The following PKIG variants were observed in gnomAD, a reference collection of about 807,000 sequenced individuals.
PKIG encodes protein kinase (cAMP-dependent, catalytic) inhibitor gamma.
Under a neutral mutation model 6.8 loss-of-function variants are expected in PKIG, and 1 was observed. The observed-to-expected ratio is 0.15, with a 90% CI of 0.05 to 0.69. The LOEUF (loss-of-function observed/expected upper bound fraction) is 0.69. Among genes scored for constraint, PKIG ranks in the 30% least tolerant of loss-of-function variants. The pLI is 0.82. For synonymous variants in PKIG, 39 were observed against 43.0 expected (o/e 0.91, Z 0.36); for missense variants, 77 against 104.0 (o/e 0.74, Z 1.13).
chr20:44,592,694 G>T (rs1444192453), intron 2 of PKIG, among the ~76,000 whole-genome samples: 1 of 152,142 alleles, frequency 6.6e-6, no homozygotes, highest in African/African-American at 2.4e-5. Context: ...CCTGTCTCCT[G>T]GCCATGAGGA....
intron 2 of PKIG, among the ~76,000 whole-genome samples, chr20:44,612,699 G>C (rs1410671542): frequency 1.3e-5 from 2 of 152,102 alleles, no homozygotes; most frequent in Non-Finnish European, 2.9e-5. Context: ...CCAATTTTTT[G>C]TCATCATGAA....
intron 1 of PKIG, among the ~76,000 whole-genome samples, chr20:44,573,335 C>T (rs2064869449): frequency 6.6e-6 from 1 of 152,224 alleles, no homozygotes; most frequent in Non-Finnish European, 1.5e-5. Flanking sequence ...TGCAGTGACT[C>T]TTATGTCAAA....
At position 44,614,697 on chromosome 20, in the gene PKIG, C is replaced by T. The variant is rs770670763; in HGVS notation, c.141C>T (p.Leu47=). Residue 47 remains leucine (L), a synonymous_variant, in exon 3 of 4, where the codon CTC becomes CTT. Transcript: ENST00000372886. The surrounding 1 kb of genome is among the most constrained non-coding windows in gnomAD (Gnocchi z 4.6). The stretch of plus-strand genomic sequence containing the variant: ...CTGGAGACATGGGCGAGCTGGCACT[C>T]GAGGGGGCAGGTTAGAGCCAGCAGG... ...KLAGDMGELA[L]EGAEGQVEGS... is the part of the protein sequence containing the mutation. 4 of 1,613,664 alleles carry T rather than the reference C, an allele frequency of 2.5e-6. No homozygotes were observed. The highest frequency in any genetic ancestry group is 2.5e-6 in the Non-Finnish European group (3 of 1,179,990).
chr20:44,592,087 C>T (rs2065038383), intron 2 of PKIG, among the ~76,000 whole-genome samples: 1 of 152,216 alleles, frequency 6.6e-6, no homozygotes, highest in African/African-American at 2.4e-5. Context: ...TTATTTAAGC[C>T]ATGTGCCAGA....
intron 2 of PKIG, among the ~76,000 whole-genome samples, chr20:44,592,592 G>T (rs1197440197): frequency 6.6e-6 from 1 of 152,182 alleles, no homozygotes; most frequent in Non-Finnish European, 1.5e-5. Flanking sequence ...TCAGCAAGGA[G>T]GGCAGGCCGT....
intron 2 of PKIG, among the ~76,000 whole-genome samples, chr20:44,599,459 C>G (rs143138182): frequency 3.5e-4 from 54 of 152,310 alleles, no homozygotes; most frequent in African/African-American, 1.2e-3. Flanking sequence ...CACCGTGGCT[C>G]AAGCCTGCAG....
In PKIG at chr20:44,614,589, C is replaced by A. The variant is rs762724888; in HGVS notation, c.33C>A (p.Phe11Leu). 1 of 1,614,130 alleles carries A rather than the reference C, an allele frequency of 6.2e-7. No homozygotes were observed. Among genetic ancestry groups the A allele is most frequent in the Non-Finnish European group, 8.5e-7 (1 of 1,180,026 alleles). The stretch of plus-strand genomic sequence containing the variant: ...AGGTCGAGTCCTCCTACTCGGACTT[C>A]ATCTCCTGTGACCGGACAGGCCGTC... The part of the protein sequence containing the change: MMEVESSYSD[F>L]ISCDRTGRRN... The change falls in exon 3 of 4, where the codon TTC becomes TTA. Residue 11 changes from phenylalanine to leucine, a missense_variant. Coordinates refer to ENST00000372886, the MANE Select transcript of PKIG (RefSeq NM_001281445.2). This position sits in a 1 kb window ranked among gnomAD's most constrained non-coding sequence, Gnocchi z 4.6.
intron 2 of PKIG, among the ~76,000 whole-genome samples, chr20:44,599,590 C>T (rs552185497): frequency 6.6e-6 from 1 of 152,028 alleles, no homozygotes; most frequent in African/African-American, 2.4e-5. Context: ...GGCATGGTGG[C>T]GCACACCTAT....
At chr20:44,597,167 C>T (rs1233427555) in intron 2 of PKIG, among the ~76,000 whole-genome samples, 1 of 152,202 alleles carries the variant, frequency 6.6e-6, no homozygotes, top group East Asian at 1.9e-4. Context: ...AGCACACCCT[C>T]AGTCGCTCCA....
chr20:44,580,683 G>A (rs114221378), upstream of PKIG, among the ~76,000 whole-genome samples: 927 of 152,196 alleles, frequency 6.1e-3, 17 homozygotes, highest in African/African-American at 0.021. Context: ...GCAGTCCTAC[G>A]TCACATTGTC....
chr20:44,607,999 A>G (rs1447157573), intron 2 of PKIG, among the ~76,000 whole-genome samples: 2 of 151,986 alleles, frequency 1.3e-5, no homozygotes, highest in African/African-American at 4.8e-5. Flanking sequence ...CCCGGCCAAA[A>G]TTTTGTTTTA....
At chr20:44,555,167 A>G (rs2064702756) in intron 1 of PKIG, among the ~76,000 whole-genome samples, 1 of 152,196 alleles carries the variant, frequency 6.6e-6, no homozygotes, top group Non-Finnish European at 1.5e-5. Context: ...TACTATCGAT[A>G]GAATTATCGT....
At chr20:44,607,357 G>A (rs1568833544) in intron 2 of PKIG, among the ~76,000 whole-genome samples, 1 of 136,602 alleles carries the variant, frequency 7.3e-6, no homozygotes, top group African/African-American at 2.9e-5. Flanking sequence ...GTGTGTGTGT[G>A]TGTATATATA....
chr20:44,561,491 A>G (rs1215188372), intron 1 of PKIG, among the ~76,000 whole-genome samples: 2 of 152,272 alleles, frequency 1.3e-5, no homozygotes, highest in Admixed American at 6.5e-5. Context: ...GAACTAGTGA[A>G]CTAGAAGATA....
chr20:44,571,017 T>G (rs2064849539), intron 1 of PKIG, among the ~76,000 whole-genome samples: 1 of 152,120 alleles, frequency 6.6e-6, no homozygotes, highest in Non-Finnish European at 1.5e-5. Flanking sequence ...GTGGATCACT[T>G]GAAGCCAGGA....
intron 1 of PKIG, among the ~76,000 whole-genome samples, chr20:44,583,885 A>C (rs1425706845): frequency 2.6e-5 from 4 of 152,204 alleles, no homozygotes; most frequent in African/African-American, 7.2e-5. Flanking sequence ...GGACAGTTAA[A>C]AGAAGACATA....
intron 2 of PKIG, among the ~76,000 whole-genome samples, chr20:44,605,449 A>G (rs244090): frequency 0.25 from 36,729 of 149,516 alleles, 5,921 homozygotes; most frequent in African/African-American, 0.46. Context: ...ACAGACCCCA[A>G]TACACAGTTT....
intron 1 of PKIG, among the ~76,000 whole-genome samples, chr20:44,547,327 T>G (rs1231298986): frequency 6.6e-6 from 1 of 152,240 alleles, no homozygotes; most frequent in African/African-American, 2.4e-5. Flanking sequence ...AAACCTCCAT[T>G]ATCTATAATC....
At chr20:44,556,551 C>CG (rs2064715132) in intron 1 of PKIG, among the ~76,000 whole-genome samples, 1 of 151,876 alleles carries the variant, frequency 6.6e-6, no homozygotes, top group Non-Finnish European at 1.5e-5. Context: ...TTAGTAGAGA[C>CG]GGGGTTTCAC....
Sources: gnomAD v4.1 joint callset for allele counts (sites outside exome capture counted in the v4.1 genomes callset) on GRCh38, gnomAD v4.1.1 for gene constraint, Gnocchi (gnomAD v3.1) non-coding constraint, MANE v1.5 for transcripts, NCBI Gene and HGNC (gene_info 2026-07-23, HGNC 2026-07-21) for gene names.